ATG7: variants seen among roughly 807,000 people sequenced by gnomAD.
The protein encoded by ATG7 is ubiquitin-like modifier-activating enzyme ATG7.
ATG7 carries 70 observed loss-of-function variants against 82.4 expected under a neutral mutation model. That is an observed-to-expected ratio of 0.85 (90% confidence interval 0.70 to 1.04). ATG7 has a LOEUF of 1.04. Ranked by LOEUF, ATG7 falls within the 50% of genes least tolerant of loss-of-function variation. The pLI is 0.00. For missense variants in ATG7, 792 were observed against 864.3 expected (o/e 0.92, Z 1.05); for synonymous variants, 287 against 313.0 (o/e 0.92, Z 0.88).
At chr3:11,377,439 C>T (rs1386010145) in intron 18 of ATG7, among the ~76,000 whole-genome samples, 1 of 152,148 alleles carries the variant, frequency 6.6e-6, no homozygotes, top group East Asian at 1.9e-4. Flanking sequence ...TCCTCGCCAC[C>T]TGTGGTGGTG....
chr3:11,563,822 G>A, the ATG7 span, among the ~76,000 whole-genome samples: 1 of 152,152 alleles, frequency 6.6e-6, no homozygotes, highest in African/African-American at 2.4e-5. Context: ...GAGGCAAGAT[G>A]GGCAACTGTT....
chr3:11,485,286 A>G (rs1195588559), intron 20 of ATG7, among the ~76,000 whole-genome samples: 3 of 152,204 alleles, frequency 2.0e-5, no homozygotes, highest in Non-Finnish European at 4.4e-5. Flanking sequence ...TTTCTCTGAT[A>G]GCCAGTGATG....
intron 5 of ATG7, 52 bp from the exon 6 acceptor site, chr3:11,306,891 C>T (rs1199799577): frequency 3.4e-6 from 5 of 1,451,852 alleles, no homozygotes; most frequent in Non-Finnish European, 4.8e-6. Context: ...ACTTGTCTCT[C>T]CCTGGCTGAG....
chr3:11,489,887 T>C (rs1274640049), intron 20 of ATG7, among the ~76,000 whole-genome samples: 1 of 152,140 alleles, frequency 6.6e-6, no homozygotes, highest in East Asian at 1.9e-4. Flanking sequence ...GAGGAGTGCT[T>C]TACTTCCAAG....
intron 3 of ATG7, among the ~76,000 whole-genome samples, 160 bp from the exon 4 acceptor site, chr3:11,298,526 G>A (rs1946297843): frequency 6.6e-6 from 1 of 152,170 alleles, no homozygotes; most frequent in Non-Finnish European, 1.5e-5. Context: ...TATGTTATGT[G>A]TTTCTTACCA....
chr3:11,286,345 C>A (rs1559326021), intron 3 of ATG7, among the ~76,000 whole-genome samples: 2 of 152,088 alleles, frequency 1.3e-5, no homozygotes, highest in Non-Finnish European at 2.9e-5. Flanking sequence ...CCGCTAAGGT[C>A]TTAGTCCTGA....
chr3:11,438,624 CAGAAT>C, intron 20 of ATG7, among the ~76,000 whole-genome samples: 1 of 152,092 alleles, frequency 6.6e-6, no homozygotes, highest in South Asian at 2.1e-4. Flanking sequence ...TCTGTTGTCT[CAGAAT>C]GGAATGGCAT....
the ATG7 span, chr3:11,568,526 C>A: frequency 1.3e-6 from 2 of 1,537,236 alleles, no homozygotes; most frequent in South Asian, 2.4e-5. This position sits in a 1 kb window ranked among gnomAD's most constrained non-coding sequence, Gnocchi z 5.9. Flanking sequence ...CACTATGGGT[C>A]AGACAAAGAC....
At chr3:11,338,486 C>T (rs1559423975) in intron 11 of ATG7, among the ~76,000 whole-genome samples, 1 of 108,510 alleles carries the variant, frequency 9.2e-6, no homozygotes, top group Non-Finnish European at 2.4e-5. Flanking sequence ...TTTTTCCCCA[C>T]AGAAAAACAA....
the ATG7 span, chr3:11,565,022 G>A: frequency 4.1e-6 from 6 of 1,475,822 alleles, no homozygotes; most frequent in Admixed American, 1.3e-4. This position sits in a 1 kb window ranked among gnomAD's most constrained non-coding sequence, Gnocchi z 4.1. Flanking sequence ...TCTTGTTCCT[G>A]AAAAAGAGGA....
chr3:11,461,068 C>A (rs1427508470), intron 20 of ATG7, among the ~76,000 whole-genome samples: 1 of 152,046 alleles, frequency 6.6e-6, no homozygotes, highest in Non-Finnish European at 1.5e-5. Context: ...CACAATGGGT[C>A]AATATTTTAG....
intron 20 of ATG7, among the ~76,000 whole-genome samples, chr3:11,528,592 T>A (rs2092631905): frequency 6.6e-6 from 1 of 152,082 alleles, no homozygotes; most frequent in African/African-American, 2.4e-5. Flanking sequence ...TTTGGGAGGC[T>A]GAGGCAGGAA....
intron 19 of ATG7, among the ~76,000 whole-genome samples, chr3:11,389,184 G>C (rs1241113620): frequency 7.6e-6 from 1 of 130,742 alleles, no homozygotes; most frequent in African/African-American, 2.8e-5. Context: ...AGTGAGTCGA[G>C]ATGGTGCCAC....
intron 17 of ATG7, 50 bp downstream of exon 17, chr3:11,362,978 G>A (rs1407380636): frequency 1.3e-6 from 2 of 1,512,660 alleles, no homozygotes; most frequent in East Asian, 2.4e-5. Flanking sequence ...TTTGTAGGCA[G>A]TTGTTCATCA....
At chr3:11,482,580 G>C (rs946416110) in intron 20 of ATG7, among the ~76,000 whole-genome samples, 2 of 152,106 alleles carry the variant, frequency 1.3e-5, no homozygotes, top group African/African-American at 4.8e-5. Context: ...GCCTTACTGA[G>C]AGCTAGAATT....
In ATG7 at chr3:11,326,475, T is replaced by G. The variant is rs544769794; in HGVS notation, c.679-4865T>G. Among the ~76,000 whole-genome samples, 19 of 152,256 alleles carry G rather than the reference T, an allele frequency of 1.2e-4. No individual in the cohort carries two copies. The East Asian group carries it at 3.5e-3, about 28-fold the overall frequency. ...CATCATGCCCGGCTAATTTTTTGTA[T>G]TTTTAGTAGAGATGGGGTTTCACTG... On this transcript the variant is annotated intron_variant, in intron 9 of 20. Transcript: ENST00000693202.
Position 11,410,355 on chromosome 3 carries a change from A to G in ATG7, c.1957-16449A>G, listed in dbSNP as rs138440666. On this transcript the variant is annotated intron_variant, in intron 19 of 20. Coordinates refer to ENST00000693202, the MANE Select transcript of ATG7 (RefSeq NM_001349232.2). ...ATTTTTTTTTAAATTAAAATTTGAT[A>G]GTATTTGAACATCAATTCAGAAATT... 3.0e-3 allele frequency among the ~76,000 whole-genome samples: 457 copies of G among 152,032 alleles called. 2 individuals carry two copies. Among genetic ancestry groups the G allele is most frequent in the South Asian group, 9.3e-3 (45 of 4,820 alleles).
At chr3:11,476,020 GC>G (rs2088171082) in intron 20 of ATG7, among the ~76,000 whole-genome samples, 1 of 152,088 alleles carries the variant, frequency 6.6e-6, no homozygotes, top group African/African-American at 2.4e-5. Context: ...TTCCCCACAG[GC>G]TCTAGGGGTC....
At chr3:11,554,663 T>A (rs1214364919) in intron 20 of ATG7, 148 bp from the exon 21 acceptor site, 1 of 972,772 alleles carries the variant, frequency 1.0e-6, no homozygotes. Flanking sequence ...TTGGTTTCCT[T>A]GTACAGAAAT....
Sources: gnomAD v4.1 joint callset for allele counts (sites outside exome capture counted in the v4.1 genomes callset) on GRCh38, gnomAD v4.1.1 for gene constraint, Gnocchi (gnomAD v3.1) non-coding constraint, MANE v1.5 for transcripts, NCBI Gene and HGNC (gene_info 2026-07-23, HGNC 2026-07-21) for gene names.